ZNF385D: variants seen among roughly 807,000 people sequenced by gnomAD.
The protein encoded by ZNF385D is zinc finger protein 659.
In ZNF385D, 15 loss-of-function variants were observed where a neutral mutation model predicts 35.8. That is an observed-to-expected ratio of 0.42 (90% CI 0.28 to 0.64). The LOEUF is 0.64. Ranked by LOEUF, ZNF385D falls within the 30% of genes least tolerant of loss-of-function variation. The probability of loss-of-function intolerance (pLI) is 0.23; values close to 1 mark genes in which losing one functional copy is unlikely to be tolerated. For missense variants in ZNF385D, 474 were observed against 494.6 expected (o/e 0.96, Z 0.39); for synonymous variants, 212 against 186.8 (o/e 1.13, Z -1.10).
At position 22,220,948 on chromosome 3, in the gene ZNF385D, A is replaced by T. The variant is rs564597352; in HGVS notation, c.107-51913T>A. On this transcript the variant is annotated intron_variant, in intron 2 of 5. Transcript: ENST00000494108. ...TTTTCTTTTTTAAACTTTCCCTTGGAAAGAACTGATTCTCATATGGAGAAA... is the reference window on the plus strand; with the variant it reads ...TTTTCTTTTTTAAACTTTCCCTTGGTAAGAACTGATTCTCATATGGAGAAA... Among the ~76,000 whole-genome samples the T allele has an allele frequency of 3.3e-5, 5 of 152,206 alleles. No individual in the cohort carries two copies. In the South Asian group the frequency reaches 1.0e-3, roughly 31 times the overall value.
At chr3:22,157,767 C>G (rs1358452839) in intron 3 of ZNF385D, among the ~76,000 whole-genome samples, 3 of 152,084 alleles carry the variant, frequency 2.0e-5, no homozygotes. Context: ...ATTCATTCCT[C>G]TCAGGGTTGG....
intron 2 of ZNF385D, among the ~76,000 whole-genome samples, chr3:21,660,275 CAA>C (rs3041792): frequency 0.03 from 4,598 of 152,234 alleles, 221 homozygotes; most frequent in African/African-American, 0.1. Context: ...CTAGCTAAAG[CAA>C]AAGTTATCCT....
chr3:21,804,629 T>A (rs2125692800), intron 3 of ZNF385D, among the ~76,000 whole-genome samples: 1 of 152,316 alleles, frequency 6.6e-6, no homozygotes, highest in East Asian at 1.9e-4. Flanking sequence ...TCCTTCTACT[T>A]AAGAGCTATT....
chr3:22,180,076 T>C (rs911097794), intron 2 of ZNF385D, among the ~76,000 whole-genome samples: 1 of 151,844 alleles, frequency 6.6e-6, no homozygotes, highest in African/African-American at 2.4e-5. Flanking sequence ...AATAATCAAA[T>C]AGATGCAATA....
chr3:22,150,934 T>TG, intron 3 of ZNF385D, among the ~76,000 whole-genome samples: 1 of 152,280 alleles, frequency 6.6e-6, no homozygotes, highest in Admixed American at 6.5e-5. Flanking sequence ...TAAATCATTC[T>TG]GGGAGTGTTG....
At chr3:22,369,634 G>A (rs562576249) in intron 2 of ZNF385D, among the ~76,000 whole-genome samples, 1 of 152,212 alleles carries the variant, frequency 6.6e-6, no homozygotes, top group Admixed American at 6.5e-5. Context: ...AATATTAATA[G>A]CATTAGCATC....
intron 3 of ZNF385D, among the ~76,000 whole-genome samples, chr3:22,080,335 G>A (rs182553052): frequency 6.6e-6 from 1 of 152,174 alleles, no homozygotes; most frequent in African/African-American, 2.4e-5. Context: ...CTATGCAGCT[G>A]AGACACTTGC....
intron 3 of ZNF385D, among the ~76,000 whole-genome samples, chr3:21,814,029 G>A (rs2073045683): frequency 6.6e-6 from 1 of 152,168 alleles, no homozygotes. Flanking sequence ...CAAGCCAGAA[G>A]AGAGTGGGGG....
chr3:21,950,342 A>T (rs4440143), intron 3 of ZNF385D, among the ~76,000 whole-genome samples: 39,856 of 151,690 alleles, frequency 0.26, 6,313 homozygotes, highest in Admixed American at 0.41. Flanking sequence ...TGTTGGTCAC[A>T]TAAATGTCTT....
At chr3:22,215,309 G>C (rs1697799780) in intron 2 of ZNF385D, among the ~76,000 whole-genome samples, 1 of 151,996 alleles carries the variant, frequency 6.6e-6, no homozygotes, top group Non-Finnish European at 1.5e-5. Flanking sequence ...CTGACCGCTG[G>C]TGAGCCAGGC....
chr3:21,734,352 G>T (rs972854178), intron 1 of ZNF385D, among the ~76,000 whole-genome samples: 2 of 130,306 alleles, frequency 1.5e-5, no homozygotes, highest in African/African-American at 5.0e-5. Flanking sequence ...TTTTTGTAAA[G>T]ATTTTTTTTG....
At chr3:22,141,318 C>T (rs960717479) in intron 3 of ZNF385D, among the ~76,000 whole-genome samples, 19 of 152,222 alleles carry the variant, frequency 1.2e-4, no homozygotes, top group Admixed American at 1.0e-3. Flanking sequence ...AGAACATATT[C>T]TCTTTCTCCT....
At chr3:21,658,533 T>C (rs1036867816) in intron 2 of ZNF385D, among the ~76,000 whole-genome samples, 2 of 152,046 alleles carry the variant, frequency 1.3e-5, no homozygotes, top group African/African-American at 2.4e-5. Flanking sequence ...CTATCAATTA[T>C]CTGTTATGTG....
intron 3 of ZNF385D, among the ~76,000 whole-genome samples, chr3:22,148,841 T>C (rs1705036942): frequency 1.3e-5 from 2 of 152,186 alleles, no homozygotes; most frequent in Non-Finnish European, 2.9e-5. Context: ...CTGAGAAGTA[T>C]TAAATTGCTT....
intron 1 of ZNF385D, among the ~76,000 whole-genome samples, chr3:21,689,886 C>CAAAAAAAAAAAAAAAAAAA (rs5847127): frequency 7.0e-6 from 1 of 143,744 alleles, no homozygotes; most frequent in Non-Finnish European, 1.5e-5. Context: ...CGAAAAATTG[C>CAAAAAAAAAAAAAAAAAAA]AAAAAAAAAA....
intron 2 of ZNF385D, among the ~76,000 whole-genome samples, chr3:22,271,219 G>A (rs992157737): frequency 6.6e-6 from 1 of 151,062 alleles, no homozygotes; most frequent in Non-Finnish European, 1.5e-5. Flanking sequence ...ATAGTCAGGA[G>A]ACAGCAATAA....
intron 3 of ZNF385D, among the ~76,000 whole-genome samples, chr3:21,538,732 A>G (rs953573526): frequency 5.3e-5 from 8 of 152,174 alleles, no homozygotes; most frequent in Admixed American, 2.0e-4. Flanking sequence ...CAGTATCTCC[A>G]CAGGGAAAAA....
intron 2 of ZNF385D, among the ~76,000 whole-genome samples, chr3:22,177,316 T>C (rs1433755730): frequency 3.3e-5 from 5 of 152,176 alleles, no homozygotes; most frequent in African/African-American, 7.2e-5. Context: ...TACATAAAAC[T>C]TAAGAAAGGT....
At position 22,233,489 on chromosome 3, in the gene ZNF385D, G is replaced by A. The variant is rs187490636; in HGVS notation, c.107-64454C>T. Among the ~76,000 whole-genome samples the A allele has an allele frequency of 3.7e-3, 560 of 152,208 alleles. 2 individuals carry two copies. Among genetic ancestry groups the A allele is most frequent in the Non-Finnish European group, 5.9e-3 (400 of 67,996 alleles). ...ATAATGTAAATGTCTTGATTGTGGT[G>A]GTAGTCCCATGGTGTATATAGGAAT... On this transcript the variant is annotated intron_variant, in intron 2 of 5. Transcript: ENST00000494108.
Sources: allele counts gnomAD v4.1 joint callset (sites outside exome capture counted in the v4.1 genomes callset), GRCh38; gene constraint gnomAD v4.1.1; transcripts MANE v1.5; gene names NCBI Gene and HGNC (gene_info 2026-07-23, HGNC 2026-07-21).